RAP1GAP2: variants seen among roughly 807,000 people sequenced by gnomAD.
RAP1GAP2 encodes the protein rap1 GTPase-activating protein 2.
A neutral mutation model predicts 95.0 loss-of-function variants in RAP1GAP2; 27 were observed. The observed-to-expected ratio is 0.28, with a 90% CI of 0.21 to 0.39. The LOEUF (loss-of-function observed/expected upper bound fraction) is 0.39, where lower values mean the gene tolerates loss of function less well. RAP1GAP2 is among the 10% of genes least tolerant of loss of function. The probability of loss-of-function intolerance (pLI) is 1.00; values close to 1 mark genes in which losing one functional copy is unlikely to be tolerated. For synonymous variants in RAP1GAP2, 373 were observed against 380.9 expected, an observed-to-expected ratio of 0.98 and a Z score of 0.24; for missense variants, 771 against 970.0, an observed-to-expected ratio of 0.79 and a Z score of 2.72.
intron 2 of RAP1GAP2, among the ~76,000 whole-genome samples, chr17:2,891,824 T>TC (rs1320982962): frequency 3.7e-4 from 34 of 91,226 alleles, no homozygotes; most frequent in African/African-American, 5.5e-4. Flanking sequence ...CTTTTTTTTT[T>TC]TTTTTTTTTT....
At chr17:2,886,932 G>A (rs1295420579) in intron 2 of RAP1GAP2, among the ~76,000 whole-genome samples, 2 of 152,162 alleles carry the variant, frequency 1.3e-5, no homozygotes, top group African/African-American at 4.8e-5. Flanking sequence ...CTGAGCCTCA[G>A]TTTCTTCATC....
chr17:2,838,809 A>C (rs964151888), intron 2 of RAP1GAP2, among the ~76,000 whole-genome samples: 1 of 152,140 alleles, frequency 6.6e-6, no homozygotes, highest in Non-Finnish European at 1.5e-5. Context: ...TCATCACTTC[A>C]AGGAGAATGT....
At chr17:2,977,634 A>T (rs1158809694) in intron 8 of RAP1GAP2, among the ~76,000 whole-genome samples, 1 of 151,344 alleles carries the variant, frequency 6.6e-6, no homozygotes, top group Non-Finnish European at 1.5e-5. Context: ...AATCCCAGCT[A>T]CTCGGGAGGC....
rs929800871 is a variant in RAP1GAP2, at chr17:3,003,411, G to A, written c.1201-1958G>A. Among the ~76,000 whole-genome samples, 4 of 152,136 alleles carry A rather than the reference G, an allele frequency of 2.6e-5. No homozygotes were observed. The highest frequency in any genetic ancestry group is 7.2e-5 in the African/African-American group (3 of 41,418). On this transcript the variant is annotated intron_variant, in intron 14 of 24. Coordinates refer to ENST00000254695, the MANE Select transcript of RAP1GAP2 (RefSeq NM_015085.5). The surrounding 1 kb of genome is among the most constrained non-coding windows in gnomAD (Gnocchi z 4.1). ...CCTCCCTCTCCGGAAGTCCTCAAAGGTGTCAGGAATCTCAGGTGAAGCCCA... is the reference window on the plus strand; with the variant it reads ...CCTCCCTCTCCGGAAGTCCTCAAAGATGTCAGGAATCTCAGGTGAAGCCCA...
intron 1 of RAP1GAP2, among the ~76,000 whole-genome samples, chr17:2,781,458 G>A (rs993737780): frequency 3.3e-5 from 5 of 152,272 alleles, no homozygotes; most frequent in African/African-American, 1.2e-4. Context: ...GGATTGCTGT[G>A]TCTGGACATC....
At chr17:2,884,988 G>A (rs2073433515) in intron 2 of RAP1GAP2, among the ~76,000 whole-genome samples, 2 of 151,906 alleles carry the variant, frequency 1.3e-5, no homozygotes, top group South Asian at 2.1e-4. Flanking sequence ...TAGCCGTTAC[G>A]GCCTGGCAGG....
Position 2,902,932 on chromosome 17 carries a change from TG to T in RAP1GAP2, c.81-2348del, listed in dbSNP as rs1416435910. Among the ~76,000 whole-genome samples, 1 of 152,074 alleles carries T rather than the reference TG, an allele frequency of 6.6e-6. No individual in the cohort carries two copies. Among genetic ancestry groups the T allele is most frequent in the Non-Finnish European group, 1.5e-5 (1 of 68,016 alleles). On this transcript the variant is annotated intron_variant, in intron 2 of 24. Transcript: ENST00000254695. The surrounding 1 kb of genome is among the most constrained non-coding windows in gnomAD (Gnocchi z 4.1). ...ATGAGCGTGGACACCTTGTGCCTGA[TG>T]GGGAAAAATAGACAGCATGACTGTG...
At chr17:2,989,748 T>C (rs377734455) in intron 11 of RAP1GAP2, among the ~76,000 whole-genome samples, 91 of 152,142 alleles carry the variant, frequency 6.0e-4, no homozygotes, top group African/African-American at 2.0e-3. Flanking sequence ...TTGTACCATA[T>C]AATTCATAAT....
At position 2,965,357 on chromosome 17, in the gene RAP1GAP2, G is replaced by A. The variant is rs187112959; in HGVS notation, c.493-183G>A. 42 of 600,078 alleles carry A rather than the reference G, an allele frequency of 7.0e-5. No homozygotes were observed. The highest frequency in any genetic ancestry group is 6.7e-4 in the East Asian group (24 of 35,648). 37.2% of individuals were successfully genotyped at this position (600,078 alleles called of 1,614,324 possible). A position where few individuals can be genotyped will look rare whatever the true frequency, so the allele number is the denominator to read the frequency against. On this transcript the variant is annotated intron_variant, in intron 7 of 24. Coordinates refer to ENST00000254695, the MANE Select transcript of RAP1GAP2 (RefSeq NM_015085.5). The surrounding 1 kb of genome is among the most constrained non-coding windows in gnomAD (Gnocchi z 4.7). ...ATAGTGGGTATTAAGCCCCTGGCAC[G>A]GTGCCTGGCGCCTCCTGAGGATCCG... is the stretch of plus-strand genomic sequence containing the variant.
intron 3 of RAP1GAP2, among the ~76,000 whole-genome samples, chr17:2,943,404 T>C (rs2043578611): frequency 6.6e-6 from 1 of 152,138 alleles, no homozygotes; most frequent in Admixed American, 6.6e-5. Context: ...GTGGGTACAG[T>C]GCTCACGCCT....
At chr17:2,868,552 C>G (rs922650960) in intron 2 of RAP1GAP2, among the ~76,000 whole-genome samples, 1 of 138,862 alleles carries the variant, frequency 7.2e-6, no homozygotes, top group African/African-American at 2.7e-5. Flanking sequence ...GAGTCTTGCT[C>G]TGTCACCCAG....
intron 2 of RAP1GAP2, among the ~76,000 whole-genome samples, chr17:2,846,930 T>TATCACAAC (rs2071613622): frequency 6.6e-6 from 1 of 152,086 alleles, no homozygotes. Flanking sequence ...TAGCTCACAA[T>TATCACAAC]AGTAGTTGAT....
At chr17:2,782,220 G>A (rs1316500885) in intron 1 of RAP1GAP2, among the ~76,000 whole-genome samples, 1 of 152,196 alleles carries the variant, frequency 6.6e-6, no homozygotes, top group Non-Finnish European at 1.5e-5. Context: ...CTCTGGCTGT[G>A]TGGGCGTCCA....
intron 2 of RAP1GAP2, among the ~76,000 whole-genome samples, chr17:2,832,748 G>A (rs1251722652): frequency 7.3e-5 from 11 of 151,624 alleles, no homozygotes; most frequent in African/African-American, 1.7e-4. Flanking sequence ...AGGCCGAGGC[G>A]GGCGATGGCT....
intron 2 of RAP1GAP2, among the ~76,000 whole-genome samples, chr17:2,803,494 A>G (rs545756535): frequency 1.3e-5 from 2 of 152,386 alleles, no homozygotes; most frequent in East Asian, 3.9e-4. Flanking sequence ...CTTTGCAGAC[A>G]TGGATAAGCT....
chr17:2,993,509 G>C (rs1335678002), intron 12 of RAP1GAP2, among the ~76,000 whole-genome samples: 1 of 151,946 alleles, frequency 6.6e-6, no homozygotes. Flanking sequence ...GGAGATGGAG[G>C]CTGCAGTGAG....
At chr17:2,877,908 C>A (rs1179900019) in intron 2 of RAP1GAP2, among the ~76,000 whole-genome samples, 1 of 151,930 alleles carries the variant, frequency 6.6e-6, no homozygotes. Context: ...GGGAGTGGGA[C>A]CAGAGTGGGA....
chr17:2,812,337 G>C (rs550058643), intron 2 of RAP1GAP2, among the ~76,000 whole-genome samples: 50 of 152,072 alleles, frequency 3.3e-4, no homozygotes, highest in South Asian at 6.2e-4. Context: ...TCTGAGTCAT[G>C]GGGGGGTGGT....
chr17:2,786,482 G>T (rs1041449028), intron 1 of RAP1GAP2, among the ~76,000 whole-genome samples: 2 of 152,210 alleles, frequency 1.3e-5, no homozygotes, highest in African/African-American at 4.8e-5. Flanking sequence ...CCTTCTGGCC[G>T]GTCCTGGGAG....
Sources: allele counts gnomAD v4.1 joint callset (sites outside exome capture counted in the v4.1 genomes callset), GRCh38; gene constraint gnomAD v4.1.1; non-coding constraint Gnocchi (gnomAD v3.1); transcripts MANE v1.5; gene names NCBI Gene and HGNC (gene_info 2026-07-23, HGNC 2026-07-21).